ABCA4: variants seen among roughly 807,000 people sequenced by gnomAD.
ABCA4 encodes the protein ATP binding cassette subfamily A member 4.
ABCA4 carries 196 observed loss-of-function variants against 263.7 expected under a neutral mutation model. The ratio of observed to expected loss-of-function variants is 0.74; its 90% CI spans 0.66 to 0.84. The LOEUF (loss-of-function observed/expected upper bound fraction) is 0.84. ABCA4 is among the 40% of genes least tolerant of loss of function. The pLI is 0.00. For synonymous variants in ABCA4, 1,133 were observed against 1,094.2 expected, an observed-to-expected ratio of 1.04 and a Z score of -0.70; for missense variants, 2,792 against 2,855.1, an observed-to-expected ratio of 0.98 and a Z score of 0.50.
intron 1 of ABCA4, among the ~76,000 whole-genome samples, chr1:94,116,568 C>CG (rs1390379530): frequency 6.6e-6 from 1 of 151,700 alleles, no homozygotes; most frequent in Non-Finnish European, 1.5e-5. Context: ...TGGCGGGGGG[C>CG]GGGGGCGGTT....
intron 32 of ABCA4, 88 bp from the exon 33 acceptor site, chr1:94,022,039 C>T (rs1401546753): frequency 8.9e-7 from 1 of 1,124,382 alleles, no homozygotes; most frequent in Non-Finnish European, 1.3e-6. Context: ...GAAACATGAA[C>T]TTTCGGGGGA....
chr1:94,048,861 G>GT lies in ABCA4; in HGVS notation c.2743+6dup. The GT allele has an allele frequency of 6.2e-7, 1 of 1,613,938 alleles. No individual in the cohort carries two copies. Among genetic ancestry groups the GT allele is most frequent in the Non-Finnish European group, 8.5e-7 (1 of 1,179,834 alleles). On this transcript the variant is annotated splice_region_variant and intron_variant, in intron 18 of 49. Coordinates refer to ENST00000370225, the MANE Select transcript of ABCA4 (RefSeq NM_000350.3). ...CCTCTGCTGTGTATTCTTTATCGGGGTTTTACCGTGTATTCCTTCTGGGTG... is the reference window on the plus strand; with the variant it reads ...CCTCTGCTGTGTATTCTTTATCGGGGTTTTTACCGTGTATTCCTTCTGGGTG...
intron 13 of ABCA4, among the ~76,000 whole-genome samples, chr1:94,061,662 C>T (rs1166330790): frequency 6.6e-6 from 1 of 152,204 alleles, no homozygotes; most frequent in African/African-American, 2.4e-5. Flanking sequence ...CCCACACCCA[C>T]CTCACTTCCC....
At chr1:94,110,346 G>A (rs528163009) in intron 3 of ABCA4, among the ~76,000 whole-genome samples, 11 of 152,298 alleles carry the variant, frequency 7.2e-5, no homozygotes, top group African/African-American at 1.9e-4. Context: ...CAGTGGGGAA[G>A]GCCACCTCCA....
intron 11 of ABCA4, among the ~76,000 whole-genome samples, chr1:94,077,343 C>A (rs1661563148): frequency 6.6e-6 from 1 of 152,104 alleles, no homozygotes; most frequent in African/African-American, 2.4e-5. Flanking sequence ...GTCCAGCAAG[C>A]AATGGACTGT....
chr1:94,042,656 A>G (rs1660524180), intron 22 of ABCA4, 105 bp downstream of exon 22: 1 of 1,491,330 alleles, frequency 6.7e-7, no homozygotes, highest in African/African-American at 1.4e-5. Context: ...GAGTGTAGTC[A>G]TTGTGGTTCC....
chr1:94,017,826 CTT>C (rs1659781355), intron 36 of ABCA4, among the ~76,000 whole-genome samples: 2 of 152,128 alleles, frequency 1.3e-5, no homozygotes, highest in Admixed American at 1.3e-4. Context: ...GTACTTGTGA[CTT>C]TTCCATAAGT....
chr1:94,006,657 A>G (rs1659397091), intron 43 of ABCA4, among the ~76,000 whole-genome samples: 1 of 152,070 alleles, frequency 6.6e-6, no homozygotes, highest in Non-Finnish European at 1.5e-5. Context: ...TTTTCTGTAA[A>G]CCCAGTAGGG....
intron 48 of ABCA4, 120 bp downstream of exon 48, chr1:93,997,741 G>A: frequency 7.5e-7 from 1 of 1,334,338 alleles, no homozygotes; most frequent in South Asian, 1.3e-5. Context: ...CCAATAAACA[G>A]AGGGCAAGAG....
chr1:94,037,241 C>A lies in ABCA4; in HGVS notation c.3717G>T (p.Lys1239Asn), dbSNP rs2101043553. The change falls in exon 25 of 50, where the codon AAG (lysine) becomes AAT (asparagine). Residue 1239 changes from lysine (K) to asparagine (N), a missense_variant. Lys to Asn is a moderately conservative substitution (Grantham distance 94). Coordinates refer to ENST00000370225, the MANE Select transcript of ABCA4 (RefSeq NM_000350.3). ...TGAAAAGGCTGGCATATGCTCTGTGCTTGAAGTTCTTATTTGGAAGAAGGA... is the reference window on the plus strand; with the variant it reads ...TGAAAAGGCTGGCATATGCTCTGTGATTGAAGTTCTTATTTGGAAGAAGGA... ...LIFLLPNKNF[K>N]HRAYASLFRE... 2 of 1,614,240 alleles carry A rather than the reference C, an allele frequency of 1.2e-6. No individual in the cohort carries two copies. The highest frequency in any genetic ancestry group is 4.5e-5 in the East Asian group (2 of 44,892).
chr1:94,015,391 A>G (rs1659702402), intron 37 of ABCA4, among the ~76,000 whole-genome samples: 1 of 152,140 alleles, frequency 6.6e-6, no homozygotes, highest in African/African-American at 2.4e-5. Context: ...ACTGAGGTGG[A>G]CAGATTGGCC....
intron 11 of ABCA4, among the ~76,000 whole-genome samples, chr1:94,075,692 T>C (rs1428827077): frequency 1.3e-5 from 2 of 152,246 alleles, no homozygotes; most frequent in East Asian, 1.9e-4. Context: ...CCTCTCCTAC[T>C]GCTCACAGAA....
intron 11 of ABCA4, among the ~76,000 whole-genome samples, chr1:94,072,909 T>C (rs961227037): frequency 2.0e-5 from 3 of 152,130 alleles, no homozygotes; most frequent in African/African-American, 4.8e-5. Flanking sequence ...GCAGACCCTA[T>C]TGTGGAGGGG....
At chr1:94,058,233 G>T (rs902900290) in intron 14 of ABCA4, among the ~76,000 whole-genome samples, 1 of 152,204 alleles carries the variant, frequency 6.6e-6, no homozygotes, top group African/African-American at 2.4e-5. Flanking sequence ...AGGACTCAGA[G>T]CTCCTGATTT....
chr1:94,003,144 T>C (rs1659238923), intron 44 of ABCA4, among the ~76,000 whole-genome samples: 1 of 152,214 alleles, frequency 6.6e-6, no homozygotes, highest in Admixed American at 6.5e-5. Context: ...CTTAATGTTA[T>C]GATACATTTA....
rs745604334 is a variant in ABCA4, at chr1:94,047,005, T to C, written c.2832A>G (p.Pro944=). ...AGGTGATGTTCAGACGGTCCACAGC[T>C]GGCCGGCCACAGGGCTCAAAAATCT... ...LVKIFEPCGR[P]AVDRLNITFY... is the part of the protein sequence containing the mutation. The change falls in exon 19 of 50, where the codon CCA becomes CCG. Residue 944 remains proline, a synonymous_variant. Transcript: ENST00000370225. 6.2e-7 allele frequency: 1 copy of C among 1,614,148 alleles called. No individual in the cohort carries two copies. Among genetic ancestry groups the C allele is most frequent in the South Asian group, 1.1e-5 (1 of 91,080 alleles).
In ABCA4 at chr1:93,996,149, G is replaced by T; in HGVS notation, c.6776C>A (p.Pro2259His). ...AKQQTESHDL[P>H]LHPRAAGASR... Reference sequence around the variant, plus strand: ...GGCTCCAGCAGCTCGAGGGTGCAGAGGGAGGTCATGACTTTCAGTCTGCTG... The same window carrying T: ...GGCTCCAGCAGCTCGAGGGTGCAGATGGAGGTCATGACTTTCAGTCTGCTG... The change falls in exon 49 of 50, where the codon CCT (proline) becomes CAT (histidine). Residue 2259 changes from proline (P) to histidine (H), a missense_variant. Pro to His is a moderately conservative substitution (Grantham distance 77, BLOSUM62 -2). Coordinates refer to ENST00000370225, the MANE Select transcript of ABCA4 (RefSeq NM_000350.3). The T allele has an allele frequency of 1.2e-6, 2 of 1,614,046 alleles. No homozygotes were observed. The highest frequency in any genetic ancestry group is 1.7e-6 in the Non-Finnish European group (2 of 1,180,030).
chr1:94,114,907 G>A (rs1662715726), intron 1 of ABCA4, among the ~76,000 whole-genome samples: 1 of 152,188 alleles, frequency 6.6e-6, no homozygotes, highest in South Asian at 2.1e-4. Flanking sequence ...TGTCACTACT[G>A]TGATTCCAGC....
Position 94,056,961 on chromosome 1 carries a change from A to G in ABCA4, c.2161-139T>C, listed in dbSNP as rs17110958. On this transcript the variant is annotated intron_variant, in intron 14 of 49. Transcript: ENST00000370225. ...ACACTCCATGTGCTGAGTTCCTTTA[A>G]TCCTAGGAATGCCATTTTCCCTGGG... The G allele has an allele frequency of 0.053, 39,765 of 755,046 alleles. 1,259 individuals carry two copies. The highest frequency in any genetic ancestry group is 0.14 in the Middle Eastern group (411 of 2,838). 46.8% of individuals were successfully genotyped at this position (755,046 alleles called of 1,614,324 possible). A position where few individuals can be genotyped will look rare whatever the true frequency, so the allele number is the denominator to read the frequency against.
Sources: gnomAD v4.1 joint callset for allele counts (sites outside exome capture counted in the v4.1 genomes callset) on GRCh38, gnomAD v4.1.1 for gene constraint, MANE v1.5 for transcripts, NCBI Gene and HGNC (gene_info 2026-07-23, HGNC 2026-07-21) for gene names.